The following CACNA2D3 variants were observed in gnomAD, a reference collection of about 807,000 sequenced individuals.
The protein encoded by CACNA2D3 is calcium voltage-gated channel auxiliary subunit alpha2delta 3, also known as voltage-dependent calcium channel subunit alpha-2/delta-3.
CACNA2D3 carries 60 observed loss-of-function variants against 160.6 expected under a neutral mutation model. The observed-to-expected ratio is 0.37, with a 90% CI of 0.30 to 0.46. CACNA2D3 has a LOEUF of 0.46. CACNA2D3 is among the 20% of genes least tolerant of loss of function. The pLI, the probability that CACNA2D3 is intolerant of heterozygous loss-of-function variation, is 1.00. For synonymous variants in CACNA2D3, 558 were observed against 492.9 expected (o/e 1.13, Z -1.75); for missense variants, 1,205 against 1,365.0 (o/e 0.88, Z 1.85).
At chr3:54,906,769 T>C (rs183079595) in intron 27 of CACNA2D3, among the ~76,000 whole-genome samples, 18 of 152,304 alleles carry the variant, frequency 1.2e-4, no homozygotes, top group African/African-American at 4.3e-4. Flanking sequence ...AGCTAACAAA[T>C]GAGTACTATG....
At chr3:54,801,197 A>G (rs1575482243) in intron 13 of CACNA2D3, among the ~76,000 whole-genome samples, 1 of 152,198 alleles carries the variant, frequency 6.6e-6, no homozygotes, top group South Asian at 2.1e-4. Context: ...CATGTTGGCC[A>G]GGCTGGTGTC....
chr3:54,528,619 C>G (rs1701761326), intron 5 of CACNA2D3, among the ~76,000 whole-genome samples: 1 of 152,060 alleles, frequency 6.6e-6, no homozygotes, highest in African/African-American at 2.4e-5. Flanking sequence ...TTACTTATTT[C>G]TTTTTTGGAA....
chr3:54,971,110 A>G lies in CACNA2D3; in HGVS notation c.2556+1266A>G, dbSNP rs570010494. ...TCATAATCATTGTATGAGTCACAGTATCAAAAAAAAAAAAGCCAGTCAGCA... is the reference window on the plus strand; with the variant it reads ...TCATAATCATTGTATGAGTCACAGTGTCAAAAAAAAAAAAGCCAGTCAGCA... On this transcript the variant is annotated intron_variant, in intron 29 of 37. Coordinates refer to ENST00000474759, the MANE Select transcript of CACNA2D3 (RefSeq NM_018398.3). Among the ~76,000 whole-genome samples the G allele has an allele frequency of 8.6e-5, 13 of 151,800 alleles. No homozygotes were observed. The South Asian group carries it at 2.3e-3, about 27-fold the overall frequency.
At chr3:54,727,918 A>T (rs1701308367) in intron 11 of CACNA2D3, among the ~76,000 whole-genome samples, 1 of 152,128 alleles carries the variant, frequency 6.6e-6, no homozygotes, top group Admixed American at 6.5e-5. Flanking sequence ...TTAAAAAAAG[A>T]TATGTTCTGT....
chr3:54,866,033 A>G (rs908588173), intron 17 of CACNA2D3, among the ~76,000 whole-genome samples: 4 of 152,180 alleles, frequency 2.6e-5, no homozygotes, highest in Non-Finnish European at 5.9e-5. Flanking sequence ...CACCCTTCTC[A>G]ATGGGTTCCC....
At chr3:54,838,719 G>A in intron 16 of CACNA2D3, 71 bp downstream of exon 16, 2 of 1,155,306 alleles carry the variant, frequency 1.7e-6, no homozygotes, top group Non-Finnish European at 1.3e-6. Context: ...CAAAGTTCAG[G>A]CTTCAAACTC....
intron 27 of CACNA2D3, among the ~76,000 whole-genome samples, chr3:54,937,372 T>C (rs1416393075): frequency 6.6e-6 from 1 of 152,054 alleles, no homozygotes; most frequent in Admixed American, 6.6e-5. Context: ...TGTCCCTCGG[T>C]ATATGAGGGG....
chr3:54,955,683 C>A (rs1440367142), intron 27 of CACNA2D3, among the ~76,000 whole-genome samples: 2 of 152,180 alleles, frequency 1.3e-5, no homozygotes, highest in Non-Finnish European at 2.9e-5. Context: ...TTGAGGGACA[C>A]TGAGATCAGA....
At chr3:54,285,364 C>T (rs113204176) in intron 2 of CACNA2D3, among the ~76,000 whole-genome samples, 110 of 152,308 alleles carry the variant, frequency 7.2e-4, no homozygotes, top group African/African-American at 2.2e-3. Flanking sequence ...AACTGCAAGG[C>T]GGCAGCGAGG....
intron 13 of CACNA2D3, among the ~76,000 whole-genome samples, chr3:54,806,548 A>T (rs1449289779): frequency 1.3e-5 from 2 of 151,818 alleles, no homozygotes; most frequent in African/African-American, 4.8e-5. Flanking sequence ...TCAATGAAAT[A>T]AAAGAGGATA....
At chr3:54,632,611 A>T (rs1209594420) in intron 10 of CACNA2D3, 3 of 152,148 alleles carry the variant, frequency 2.0e-5, no homozygotes, top group African/African-American at 7.2e-5. Context: ...ATTGAGACTT[A>T]AGTTTGGTTG....
intron 27 of CACNA2D3, among the ~76,000 whole-genome samples, chr3:54,957,310 C>A (rs1701923743): frequency 6.6e-6 from 1 of 151,704 alleles, no homozygotes; most frequent in African/African-American, 2.4e-5. Context: ...CTGCACTCAG[C>A]TAATTTTTTA....
At chr3:54,773,849 A>G (rs1368688707) in intron 13 of CACNA2D3, among the ~76,000 whole-genome samples, 2 of 152,222 alleles carry the variant, frequency 1.3e-5, no homozygotes, top group Non-Finnish European at 2.9e-5. Flanking sequence ...TTCAGAAAAG[A>G]TGTCCTAAAA....
chr3:54,928,845 C>T (rs966041616), intron 27 of CACNA2D3, among the ~76,000 whole-genome samples: 16 of 152,066 alleles, frequency 1.1e-4, no homozygotes, highest in African/African-American at 3.6e-4. Flanking sequence ...ATAAAGCCGC[C>T]CCCTGTGAGC....
chr3:54,220,323 A>G (rs1258994680), intron 2 of CACNA2D3, among the ~76,000 whole-genome samples: 2 of 152,216 alleles, frequency 1.3e-5, no homozygotes, highest in African/African-American at 2.4e-5. Flanking sequence ...TGTGATTATT[A>G]TCTAACATTC....
At chr3:54,797,787 A>T (rs1479987056) in intron 13 of CACNA2D3, among the ~76,000 whole-genome samples, 2 of 152,186 alleles carry the variant, frequency 1.3e-5, no homozygotes, top group African/African-American at 2.4e-5. Context: ...GACTTTTATA[A>T]ACCTTATGAT....
chr3:54,545,058 G>A (rs1199164501), intron 5 of CACNA2D3, among the ~76,000 whole-genome samples: 1 of 152,154 alleles, frequency 6.6e-6, no homozygotes, highest in Non-Finnish European at 1.5e-5. Flanking sequence ...TGTTACCAAG[G>A]TGTGATGTGC....
intron 13 of CACNA2D3, among the ~76,000 whole-genome samples, chr3:54,788,380 G>A (rs1702681357): frequency 6.6e-6 from 1 of 152,180 alleles, no homozygotes; most frequent in Admixed American, 6.5e-5. Context: ...GTGACTAAGT[G>A]TGGGGGAAGA....
intron 11 of CACNA2D3, among the ~76,000 whole-genome samples, chr3:54,674,776 C>G (rs1412301046): frequency 6.6e-6 from 1 of 152,136 alleles, no homozygotes; most frequent in Non-Finnish European, 1.5e-5. Flanking sequence ...GGGAAGTGAG[C>G]TGATGGTCTG....
Sources: allele counts gnomAD v4.1 joint callset (sites outside exome capture counted in the v4.1 genomes callset), GRCh38; gene constraint gnomAD v4.1.1; transcripts MANE v1.5; gene names NCBI Gene and HGNC (gene_info 2026-07-23, HGNC 2026-07-21).